The following UNC13C variants were observed in gnomAD, a reference collection of about 807,000 sequenced individuals.
The protein encoded by UNC13C is unc-13 homolog C.
In UNC13C, 174 loss-of-function variants were observed where a neutral mutation model predicts 245.4. The ratio of observed to expected loss-of-function variants is 0.71; its 90% CI spans 0.63 to 0.80. The LOEUF is 0.80. UNC13C is among the 30% of genes least tolerant of loss of function. UNC13C has a pLI of 0.00. For missense variants in UNC13C, 2,829 were observed against 2,602.9 expected, an observed-to-expected ratio of 1.09 and a Z score of -1.89; for synonymous variants, 992 against 895.1, an observed-to-expected ratio of 1.11 and a Z score of -1.93.
chr15:54,570,676 C>A (rs1014830870), intron 30 of UNC13C, among the ~76,000 whole-genome samples: 2 of 152,106 alleles, frequency 1.3e-5, no homozygotes, highest in Non-Finnish European at 2.9e-5. Context: ...CAACAATACA[C>A]CCTTTGGAAA....
intron 1 of UNC13C, among the ~76,000 whole-genome samples, chr15:53,982,362 G>A (rs1378865522): frequency 1.3e-5 from 2 of 152,114 alleles, no homozygotes; most frequent in African/African-American, 4.8e-5. Flanking sequence ...TACTCTAGAA[G>A]TAGCTTCTCG....
intron 4 of UNC13C, among the ~76,000 whole-genome samples, chr15:54,154,729 C>A (rs1177177603): frequency 1.3e-5 from 2 of 152,128 alleles, no homozygotes; most frequent in Non-Finnish European, 2.9e-5. Flanking sequence ...TTCATACACG[C>A]TGAATCTAGA....
At chr15:53,868,778 G>T in the UNC13C span, among the ~76,000 whole-genome samples, 1 of 152,122 alleles carries the variant, frequency 6.6e-6, no homozygotes, top group African/African-American at 2.4e-5. Context: ...GAGGTATGGA[G>T]ATGTCATTTG....
intron 2 of UNC13C, among the ~76,000 whole-genome samples, chr15:54,054,612 T>A (rs1333099856): frequency 6.6e-6 from 1 of 152,146 alleles, no homozygotes; most frequent in African/African-American, 2.4e-5. Flanking sequence ...TGACCCAAAT[T>A]TGAAGGATTT....
At chr15:53,893,179 G>A in the UNC13C span, among the ~76,000 whole-genome samples, 14 of 152,138 alleles carry the variant, frequency 9.2e-5, no homozygotes, top group Admixed American at 1.3e-4. Context: ...TATCACCAGC[G>A]AAGTCTGCAG....
the UNC13C span, among the ~76,000 whole-genome samples, chr15:53,855,079 T>C: frequency 6.6e-6 from 1 of 152,182 alleles, no homozygotes; most frequent in Non-Finnish European, 1.5e-5. Flanking sequence ...AGTTCATTCA[T>C]GATTTGGCTC....
At chr15:54,573,840 A>G (rs62023990) in intron 30 of UNC13C, among the ~76,000 whole-genome samples, 8,969 of 152,226 alleles carry the variant, frequency 0.059, 385 homozygotes, top group Admixed American at 0.13. Flanking sequence ...ATCTGGCTCT[A>G]AATAGTAATA....
chr15:54,089,890 G>A (rs1899467682), intron 2 of UNC13C, among the ~76,000 whole-genome samples: 1 of 152,186 alleles, frequency 6.6e-6, no homozygotes, highest in South Asian at 2.1e-4. Context: ...ACTTGTGGGA[G>A]TGGGAGTGGA....
intron 28 of UNC13C, among the ~76,000 whole-genome samples, chr15:54,553,380 T>C (rs1296756828): frequency 7.9e-6 from 1 of 127,158 alleles, no homozygotes; most frequent in African/African-American, 2.9e-5. Context: ...TTATATTATA[T>C]TATGTATTAG....
chr15:53,960,189 T>C, the UNC13C span, among the ~76,000 whole-genome samples: 1 of 152,140 alleles, frequency 6.6e-6, no homozygotes, highest in Non-Finnish European at 1.5e-5. Context: ...CATTCTGCTA[T>C]TGTCACCACA....
At chr15:54,052,157 A>C (rs1333988539) in intron 2 of UNC13C, among the ~76,000 whole-genome samples, 40 of 103,020 alleles carry the variant, frequency 3.9e-4, no homozygotes, top group African/African-American at 1.4e-3. Flanking sequence ...AATCCAGTCT[A>C]TCATTGTTGG....
At chr15:53,970,897 T>C in the UNC13C span, among the ~76,000 whole-genome samples, 1 of 152,206 alleles carries the variant, frequency 6.6e-6, no homozygotes, top group Admixed American at 6.5e-5. Context: ...CTGGATCGTA[T>C]GTTTATTCTA....
chr15:53,860,329 A>G, the UNC13C span, among the ~76,000 whole-genome samples: 1 of 152,194 alleles, frequency 6.6e-6, no homozygotes, highest in Non-Finnish European at 1.5e-5. Context: ...AAATTTCAAA[A>G]TTAAAGAAGG....
intron 4 of UNC13C, among the ~76,000 whole-genome samples, chr15:54,185,198 AT>A (rs60351998): frequency 0.1 from 15,631 of 150,840 alleles, 1,362 homozygotes; most frequent in African/African-American, 0.23. Context: ...GGTTGCAAAA[AT>A]TTTTCTCCCA....
At chr15:54,275,031 TG>T (rs2036796101) in intron 10 of UNC13C, among the ~76,000 whole-genome samples, 4 of 151,838 alleles carry the variant, frequency 2.6e-5, no homozygotes, top group Admixed American at 2.6e-4. Context: ...AATAAACAAA[TG>T]GGGGAAAACA....
intron 10 of UNC13C, among the ~76,000 whole-genome samples, chr15:54,272,106 A>G (rs2036702555): frequency 6.6e-6 from 1 of 152,230 alleles, no homozygotes; most frequent in South Asian, 2.1e-4. Flanking sequence ...CAGTTTCGCC[A>G]TGGGAAATGT....
intron 26 of UNC13C, among the ~76,000 whole-genome samples, chr15:54,533,942 C>T (rs1444710313): frequency 6.6e-6 from 1 of 152,118 alleles, no homozygotes; most frequent in Non-Finnish European, 1.5e-5. Flanking sequence ...TACCAAGGGA[C>T]CAGTGTCATA....
chr15:54,117,219 G>A (rs750222942), intron 2 of UNC13C, among the ~76,000 whole-genome samples: 2 of 152,100 alleles, frequency 1.3e-5, no homozygotes, highest in African/African-American at 2.4e-5. Context: ...CTTCCATTCC[G>A]TGGGATATCT....
In UNC13C at chr15:54,463,584, A is replaced by C. The variant is rs185318866; in HGVS notation, c.4934-31024A>C. Among the ~76,000 whole-genome samples, 533 of 152,160 alleles carry C rather than the reference A, an allele frequency of 3.5e-3. 3 individuals carry two copies. The highest frequency in any genetic ancestry group is 0.012 in the African/African-American group (518 of 41,518). ...TGTAACACTCACTGCAAAGGTCTGC[A>C]GCTTCACTCCTGAAGCCAGCCAGAC... On this transcript the variant is annotated intron_variant, in intron 19 of 32. Coordinates refer to ENST00000260323, the MANE Select transcript of UNC13C (RefSeq NM_001080534.3).
Sources: allele counts gnomAD v4.1 joint callset (sites outside exome capture counted in the v4.1 genomes callset), GRCh38; gene constraint gnomAD v4.1.1; transcripts MANE v1.5; gene names NCBI Gene and HGNC (gene_info 2026-07-23, HGNC 2026-07-21).